PPP1R9A: variants seen among roughly 807,000 people sequenced by gnomAD.
PPP1R9A encodes protein phosphatase 1 regulatory subunit 9A.
PPP1R9A carries 59 observed loss-of-function variants against 141.9 expected under a neutral mutation model. The ratio of observed to expected loss-of-function variants is 0.42; its 90% CI spans 0.34 to 0.52. PPP1R9A has a LOEUF of 0.52. PPP1R9A is among the 20% of genes least tolerant of loss of function. The pLI is 0.10. For missense variants in PPP1R9A, 1,444 were observed against 1,611.9 expected (o/e 0.90, Z 1.78); for synonymous variants, 500 against 569.7 (o/e 0.88, Z 1.74).
At chr7:94,947,585 C>G (rs1410936893) in intron 2 of PPP1R9A, among the ~76,000 whole-genome samples, 2 of 151,952 alleles carry the variant, frequency 1.3e-5, no homozygotes. Context: ...TGCTACATTC[C>G]CAGAGAGCTG....
At chr7:95,083,178 G>C (rs1217518382) in intron 2 of PPP1R9A, among the ~76,000 whole-genome samples, 2 of 151,998 alleles carry the variant, frequency 1.3e-5, no homozygotes, top group Admixed American at 6.5e-5. Context: ...CTTCAGGAAT[G>C]AAGACCCAGA....
At chr7:95,066,580 G>C (rs1356462706) in intron 2 of PPP1R9A, among the ~76,000 whole-genome samples, 2 of 152,106 alleles carry the variant, frequency 1.3e-5, no homozygotes, top group African/African-American at 4.8e-5. Context: ...ATATTCAGAG[G>C]ACAAAAGGAC....
intron 2 of PPP1R9A, among the ~76,000 whole-genome samples, chr7:95,025,923 T>C (rs1806767738): frequency 6.6e-6 from 1 of 152,206 alleles, no homozygotes; most frequent in Admixed American, 6.5e-5. Context: ...TTCAGCTCCA[T>C]CAGATCATTT....
At position 95,294,280 on chromosome 7, in the gene PPP1R9A, T is replaced by C. The variant is rs1014086792; in HGVS notation, c.*3977T>C. On this transcript the variant is annotated 3_prime_UTR_variant, in exon 20 of 20. Coordinates refer to ENST00000433360, the MANE Select transcript of PPP1R9A (RefSeq NM_001166160.2). ...ATGTCCATATTTTCTTTTCTTTTCT[T>C]TTTTTTTTTTTTTTTCTGTCATCTG... is the stretch of plus-strand genomic sequence containing the variant. The C allele has an allele frequency of 1.4e-5, 2 of 140,968 alleles. No individual in the cohort carries two copies. Among genetic ancestry groups the C allele is most frequent in the Non-Finnish European group, 1.5e-5 (1 of 66,496 alleles). The allele number at this position is 140,968 out of a possible 1,614,324, so 8.7% of individuals were successfully genotyped here.
intron 4 of PPP1R9A, among the ~76,000 whole-genome samples, chr7:95,146,292 T>A (rs2152612960): frequency 6.6e-6 from 1 of 152,344 alleles, no homozygotes; most frequent in South Asian, 2.1e-4. Context: ...GCCACATAAA[T>A]GCCTTCTTTT....
At chr7:95,201,201 A>AT (rs925688305) in intron 6 of PPP1R9A, among the ~76,000 whole-genome samples, 2 of 151,320 alleles carry the variant, frequency 1.3e-5, no homozygotes, top group Non-Finnish European at 2.9e-5. Flanking sequence ...GAGTACTCAA[A>AT]TTTTTTTTAA....
At chr7:95,236,155 T>A (rs1393464445) in intron 8 of PPP1R9A, among the ~76,000 whole-genome samples, 2 of 152,148 alleles carry the variant, frequency 1.3e-5, no homozygotes, top group Non-Finnish European at 2.9e-5. Context: ...AACAAAAAAA[T>A]TTTAACTGCC....
At chr7:95,038,127 G>A (rs530455119) in intron 2 of PPP1R9A, among the ~76,000 whole-genome samples, 10 of 151,106 alleles carry the variant, frequency 6.6e-5, no homozygotes, top group South Asian at 4.2e-4. Flanking sequence ...AAAAAAAGAC[G>A]TTATTATTCA....
chr7:95,252,688 G>T (rs1051374864), intron 12 of PPP1R9A, among the ~76,000 whole-genome samples: 1 of 151,938 alleles, frequency 6.6e-6, no homozygotes, highest in South Asian at 2.1e-4. Flanking sequence ...GGCTGGTCTC[G>T]AACTCCTGAC....
intron 7 of PPP1R9A, chr7:95,214,305 A>G (rs1184595223): frequency 1.3e-5 from 2 of 152,250 alleles, no homozygotes; most frequent in African/African-American, 4.8e-5. Context: ...ATCTGCGTCC[A>G]TGCTCACTCA....
At chr7:94,929,558 C>T (rs1793907381) in intron 2 of PPP1R9A, among the ~76,000 whole-genome samples, 1 of 152,092 alleles carries the variant, frequency 6.6e-6, no homozygotes, top group South Asian at 2.1e-4. Context: ...CATGGTAAGG[C>T]ATGTACCACA....
At chr7:95,285,117 A>G (rs1196919974) in intron 17 of PPP1R9A, among the ~76,000 whole-genome samples, 1 of 152,164 alleles carries the variant, frequency 6.6e-6, no homozygotes, top group Non-Finnish European at 1.5e-5. Context: ...TCTTTTCTGA[A>G]GTTTTAGCAA....
intron 5 of PPP1R9A, among the ~76,000 whole-genome samples, chr7:95,185,260 G>A (rs1834466754): frequency 3.3e-5 from 5 of 151,806 alleles, no homozygotes; most frequent in Non-Finnish European, 1.5e-5. Flanking sequence ...CTGTGGTTTC[G>A]GTTTGCATTT....
intron 2 of PPP1R9A, among the ~76,000 whole-genome samples, chr7:94,952,814 T>G (rs1373249167): frequency 2.0e-5 from 3 of 152,166 alleles, no homozygotes; most frequent in Admixed American, 6.5e-5. Flanking sequence ...CTGTTTTTTT[T>G]TCTTGTAAAT....
intron 2 of PPP1R9A, among the ~76,000 whole-genome samples, chr7:95,107,023 C>T (rs542118961): frequency 1.3e-5 from 2 of 152,150 alleles, no homozygotes; most frequent in Admixed American, 6.5e-5. Context: ...CTCAAGTGAT[C>T]GGCCCTCCTA....
intron 2 of PPP1R9A, among the ~76,000 whole-genome samples, chr7:94,997,968 A>G (rs1802404259): frequency 6.6e-6 from 1 of 152,064 alleles, no homozygotes; most frequent in Admixed American, 6.6e-5. Flanking sequence ...TGTTGTCTCA[A>G]TGTTTGAAAA....
intron 12 of PPP1R9A, among the ~76,000 whole-genome samples, chr7:95,266,622 GA>G (rs1041703983): frequency 2.0e-5 from 3 of 151,694 alleles, no homozygotes; most frequent in Non-Finnish European, 2.9e-5. Context: ...CTTCAGGAGA[GA>G]AAAAAAATAC....
rs144417105 is a variant in PPP1R9A, at chr7:94,911,475, T to C, written c.1362T>C (p.Asn454=). Reference sequence around the variant, plus strand: ...CAGAAGAAGAAGAAATCCCAGCAAATAGGAAAATTAAGTTTAGTAGTGCTC... The same window carrying C: ...CAGAAGAAGAAGAAATCCCAGCAAACAGGAAAATTAAGTTTAGTAGTGCTC... ...GLPEEEEIPA[N]RKIKFSSAPI... The change falls in exon 2 of 20, where the codon AAT becomes AAC. Residue 454 remains asparagine (N), a synonymous_variant. Coordinates refer to ENST00000433360, the MANE Select transcript of PPP1R9A (RefSeq NM_001166160.2). 2.2e-4 allele frequency: 358 copies of C among 1,612,584 alleles called. No individual in the cohort carries two copies. The highest frequency in any genetic ancestry group is 2.3e-4 in the Non-Finnish European group (270 of 1,179,036).
intron 4 of PPP1R9A, among the ~76,000 whole-genome samples, chr7:95,131,452 A>G (rs914578612): frequency 2.6e-5 from 4 of 152,062 alleles, no homozygotes; most frequent in African/African-American, 9.7e-5. Context: ...ATGGGGCATT[A>G]TTTCTGGGTT....
Sources: allele counts gnomAD v4.1 joint callset (sites outside exome capture counted in the v4.1 genomes callset), GRCh38; gene constraint gnomAD v4.1.1; transcripts MANE v1.5; gene names NCBI Gene and HGNC (gene_info 2026-07-23, HGNC 2026-07-21).